The following MSR1 variants were observed in gnomAD, a reference collection of about 807,000 sequenced individuals.
The protein encoded by MSR1 is macrophage scavenger receptor types I and II.
A neutral mutation model predicts 47.2 loss-of-function variants in MSR1; 53 were observed. The observed-to-expected ratio is 1.12, with a 90% CI of 0.90 to 1.41. MSR1 has a LOEUF of 1.41. MSR1 is among the 40% of genes most tolerant of loss of function. MSR1 has a pLI of 0.00. For missense variants in MSR1, 786 were observed against 546.9 expected, an observed-to-expected ratio of 1.44 and a Z score of -4.36; for synonymous variants, 239 against 185.6, an observed-to-expected ratio of 1.29 and a Z score of -2.34.
Position 16,109,256 on chromosome 8 carries a change from A to G in MSR1, c.*829T>C, listed in dbSNP as rs997918038. ...CAGTTGAAACCACTCTTCCTTCTGCACTGAAGATGTTTGCATTGTTTGTTA... is the reference window on the plus strand; with the variant it reads ...CAGTTGAAACCACTCTTCCTTCTGCGCTGAAGATGTTTGCATTGTTTGTTA... On this transcript the variant is annotated 3_prime_UTR_variant, in exon 10 of 10. Coordinates refer to ENST00000262101, the MANE Select transcript of MSR1 (RefSeq NM_138715.3). 7.3e-6 allele frequency: 1 copy of G among 137,010 alleles called. No homozygotes were observed. Among genetic ancestry groups the G allele is most frequent in the Non-Finnish European group, 1.5e-5 (1 of 66,352 alleles). The allele number at this position is 137,010 out of a possible 1,614,324, so 8.5% of individuals were successfully genotyped here.
chr8:16,160,439 A>T (rs1801130269), intron 5 of MSR1, among the ~76,000 whole-genome samples: 1 of 151,984 alleles, frequency 6.6e-6, no homozygotes, highest in African/African-American at 2.4e-5. Flanking sequence ...CTCACCCACT[A>T]TTTTCCAGGC....
At chr8:16,178,606 T>C (rs1338144472) in intron 1 of MSR1, among the ~76,000 whole-genome samples, 1 of 152,206 alleles carries the variant, frequency 6.6e-6, no homozygotes, top group Non-Finnish European at 1.5e-5. Context: ...TTATAATCCT[T>C]TGGGTATATA....
chr8:16,112,704 C>T (rs2117046423), intron 9 of MSR1, among the ~76,000 whole-genome samples: 1 of 151,902 alleles, frequency 6.6e-6, no homozygotes, highest in East Asian at 1.9e-4. Flanking sequence ...CAAGGATCTT[C>T]GTTGTTGGGG....
intron 8 of MSR1, chr8:16,140,770 G>A: frequency 1.4e-6 from 2 of 1,447,292 alleles, no homozygotes; most frequent in Middle Eastern, 2.2e-4. Context: ...GGAGAGAGGT[G>A]ATGGTGGAGT....
intron 4 of MSR1, among the ~76,000 whole-genome samples, chr8:16,164,803 G>A (rs1157188669): frequency 2.0e-5 from 3 of 151,886 alleles, no homozygotes; most frequent in African/African-American, 7.2e-5. Context: ...TGTATTTGAG[G>A]CATTAGTATT....
chr8:16,130,158 A>C (rs1407182970), intron 8 of MSR1, among the ~76,000 whole-genome samples: 3 of 152,164 alleles, frequency 2.0e-5, no homozygotes, highest in African/African-American at 7.2e-5. Context: ...TAACTGCTGG[A>C]TCCATAATTG....
chr8:16,139,114 C>T (rs77946258), intron 8 of MSR1, among the ~76,000 whole-genome samples: 2,260 of 152,290 alleles, frequency 0.015, 65 homozygotes, highest in African/African-American at 0.052. Flanking sequence ...CATTGATTTG[C>T]AATCTGGTCA....
rs755393008 is a variant in MSR1 at position 16,168,653 on chromosome 8, G to A, written c.435C>T (p.Ser145=). Residue 145 remains serine, a synonymous_variant, in exon 4 of 10, where the codon AGC becomes AGT. Coordinates refer to ENST00000262101, the MANE Select transcript of MSR1 (RefSeq NM_138715.3). The part of the protein sequence containing the change: ...LMDTEHFQNF[S]MTTDQRFNDI... ...CATTAAATCTTTGATCAGTTGTCATGCTGAAATTTTGGAAATGCTCTGTGT... is the reference window on the plus strand; with the variant it reads ...CATTAAATCTTTGATCAGTTGTCATACTGAAATTTTGGAAATGCTCTGTGT... 1 of 1,614,082 alleles carries A rather than the reference G, an allele frequency of 6.2e-7. No homozygotes were observed.
intron 1 of MSR1, among the ~76,000 whole-genome samples, chr8:16,184,340 T>C (rs889404294): frequency 1.3e-5 from 2 of 152,140 alleles, no homozygotes; most frequent in African/African-American, 4.8e-5. Context: ...TAAAATGTTT[T>C]AATTTGATCT....
intron 6 of MSR1, among the ~76,000 whole-genome samples, chr8:16,152,262 C>T (rs17677334): frequency 0.075 from 11,331 of 152,008 alleles, 595 homozygotes; most frequent in Admixed American, 0.18. Context: ...AGGTGTAGAG[C>T]GACAGCCTGC....
At chr8:16,119,045 T>G (rs564469428) in intron 9 of MSR1, among the ~76,000 whole-genome samples, 1 of 152,118 alleles carries the variant, frequency 6.6e-6, no homozygotes, top group Non-Finnish European at 1.5e-5. Flanking sequence ...TTGTTTCTTC[T>G]ATGTAAACCT....
At chr8:16,161,035 T>TG (rs959003256) in intron 5 of MSR1, among the ~76,000 whole-genome samples, 1 of 90,238 alleles carries the variant, frequency 1.1e-5, no homozygotes, top group Non-Finnish European at 2.0e-5. Context: ...TAAATAGCAT[T>TG]TTTTTTTTTT....
At chr8:16,152,155 T>C (rs1408543756) in intron 6 of MSR1, among the ~76,000 whole-genome samples, 1 of 152,164 alleles carries the variant, frequency 6.6e-6, no homozygotes, top group Admixed American at 6.6e-5. Context: ...GCTTCTAAAT[T>C]TAGTTTTATT....
At chr8:16,125,054 C>G (rs1040529193) in intron 8 of MSR1, among the ~76,000 whole-genome samples, 4 of 152,102 alleles carry the variant, frequency 2.6e-5, no homozygotes, top group African/African-American at 9.7e-5. Context: ...ACCCATATGG[C>G]TGGCTACTGA....
intron 2 of MSR1, among the ~76,000 whole-genome samples, chr8:16,177,226 G>C (rs34586254): frequency 7.2e-4 from 110 of 152,246 alleles, no homozygotes; most frequent in African/African-American, 2.5e-3. Context: ...TTTGGAAATA[G>C]GGTCTTTGGA....
chr8:16,115,865 T>C (rs937027347), intron 9 of MSR1, among the ~76,000 whole-genome samples: 1 of 152,066 alleles, frequency 6.6e-6, no homozygotes, highest in Admixed American at 6.6e-5. Flanking sequence ...TGCAGGCCTG[T>C]GGTCCCGAGA....
intron 9 of MSR1, 136 bp from the exon 10 acceptor site, chr8:16,110,354 C>T (rs1799730106): frequency 1.0e-6 from 1 of 956,190 alleles, no homozygotes; most frequent in Admixed American, 2.0e-5. Flanking sequence ...TCTGTGCTCT[C>T]TAGTAGGAAT....
chr8:16,139,644 T>C (rs943511559), intron 8 of MSR1: 2 of 970,810 alleles, frequency 2.1e-6, no homozygotes, highest in Non-Finnish European at 2.4e-6. Context: ...TTTTTCATGA[T>C]CAAAATATTT....
In MSR1 at chr8:16,187,644, T is replaced by C. The variant is rs1802042194; in HGVS notation, c.-5+4954A>G. 2.0e-5 allele frequency among the ~76,000 whole-genome samples: 3 copies of C among 152,106 alleles called. No individual in the cohort carries two copies. The South Asian group carries it at 6.2e-4, about 31-fold the overall frequency. ...TGCTCATTACATACATAATGCCGTATTTAAAATTACATAAATAAATGAAAG... is the reference window on the plus strand; with the variant it reads ...TGCTCATTACATACATAATGCCGTACTTAAAATTACATAAATAAATGAAAG... On this transcript the variant is annotated intron_variant, in intron 1 of 9. Coordinates refer to ENST00000262101, the MANE Select transcript of MSR1 (RefSeq NM_138715.3).
Sources: allele counts gnomAD v4.1 joint callset (sites outside exome capture counted in the v4.1 genomes callset), GRCh38; gene constraint gnomAD v4.1.1; transcripts MANE v1.5; gene names NCBI Gene and HGNC (gene_info 2026-07-23, HGNC 2026-07-21).